The following NUMA1 variants were observed in gnomAD, a reference collection of about 807,000 sequenced individuals.
The protein encoded by NUMA1 is SP-H antigen.
A neutral mutation model predicts 237.1 loss-of-function variants in NUMA1; 62 were observed. The observed-to-expected ratio is 0.26, with a 90% CI of 0.21 to 0.32. NUMA1 has a LOEUF of 0.32. Ranked by LOEUF, NUMA1 falls within the 10% of genes least tolerant of loss-of-function variation. NUMA1 has a pLI of 1.00. For missense variants in NUMA1, 2,533 were observed against 2,666.5 expected, an observed-to-expected ratio of 0.95 and a Z score of 1.10; for synonymous variants, 1,028 against 1,066.1, an observed-to-expected ratio of 0.96 and a Z score of 0.70.
At chr11:72,054,274 T>C (rs1942518965) in intron 2 of NUMA1, among the ~76,000 whole-genome samples, 1 of 152,042 alleles carries the variant, frequency 6.6e-6, no homozygotes, top group Non-Finnish European at 1.5e-5. Flanking sequence ...GAGACCAGCC[T>C]GGCCAACATG....
chr11:72,015,263 A>C lies in NUMA1; in HGVS notation c.2240T>G (p.Val747Gly). 9 of 1,613,386 alleles carry C rather than the reference A, an allele frequency of 5.6e-6. No homozygotes were observed. Among genetic ancestry groups the C allele is most frequent in the Non-Finnish European group, 7.6e-6 (9 of 1,179,970 alleles). The part of the protein sequence containing the change: ...SELKAETRSL[V>G]EQHKRERKEL... ...CTTTCGTTCCCGCTTATGCTGCTCC[A>C]CCAGGCTTCGGGTCTCTGCCTTCAG... is the stretch of plus-strand genomic sequence containing the variant. Residue 747 changes from valine (V) to glycine (G), a missense_variant, in exon 15 of 27, where the codon GTG becomes GGG. By Grantham distance (109) the Val-to-Gly change is moderately radical. Transcript: ENST00000393695. This position sits in a 1 kb window ranked among gnomAD's most constrained non-coding sequence, Gnocchi z 4.0.
intron 2 of NUMA1, among the ~76,000 whole-genome samples, chr11:72,064,143 T>C (rs1351358256): frequency 6.6e-6 from 1 of 152,130 alleles, no homozygotes; most frequent in African/African-American, 2.4e-5. Flanking sequence ...GATGAAATCT[T>C]ATGCAGTCAC....
At position 72,006,125 on chromosome 11, in the gene NUMA1, A is replaced by G; in HGVS notation, c.5602T>C (p.Ser1868Pro). ...ARLGSPDYGN[S>P]ALLSLPGYRP... ...TAGCCAGGCAAGCTGAGCAGGGCTG[A>G]GTTGCCATAATCGGGAGAACCCAGG... Residue 1868 changes from serine to proline, a missense_variant, in exon 22 of 27, where the codon TCA (serine) becomes CCA (proline). Around this residue, in one of 3 missense-constraint regions of NUMA1, gnomAD observed 795 missense variants for 750.8 expected, o/e 1.06. Transcript: ENST00000393695. 1 of 1,614,170 alleles carries G rather than the reference A, an allele frequency of 6.2e-7. No individual in the cohort carries two copies. Among genetic ancestry groups the G allele is most frequent in the East Asian group, 2.2e-5 (1 of 44,882 alleles).
intron 21 of NUMA1, 49 bp from the exon 22 acceptor site, chr11:72,006,312 C>G (rs1955694005): frequency 6.6e-7 from 1 of 1,524,556 alleles, no homozygotes; most frequent in Non-Finnish European, 9.0e-7. Flanking sequence ...TGGCACTGTA[C>G]AGAAGCTTCC....
chr11:72,074,550 G>A (rs1167861375), intron 1 of NUMA1, among the ~76,000 whole-genome samples: 1 of 152,152 alleles, frequency 6.6e-6, no homozygotes, highest in Non-Finnish European at 1.5e-5. Context: ...ACCAGCCTGG[G>A]CAACATAGTG....
In NUMA1 at chr11:72,014,245, G is replaced by C; in HGVS notation, c.3258C>G (p.Thr1086=). ...QIKELEELRQ[T]VKQLKEQLAK... ...CCAGCTGTTCCTTCAGTTGCTTCAC[G>C]GTTTGCCGAAGTTCCTCCAGCTCTT... The change falls in exon 15 of 27, where the codon ACC becomes ACG. Residue 1086 remains threonine (T), a synonymous_variant. Transcript: ENST00000393695. This position sits in a 1 kb window ranked among gnomAD's most constrained non-coding sequence, Gnocchi z 4.6. 6.2e-7 allele frequency: 1 copy of C among 1,613,986 alleles called. No individual in the cohort carries two copies. The highest frequency in any genetic ancestry group is 8.5e-7 in the Non-Finnish European group (1 of 1,180,056).
intron 4 of NUMA1, among the ~76,000 whole-genome samples, 192 bp downstream of exon 4, chr11:72,029,013 A>C (rs1418113814): frequency 6.6e-6 from 1 of 152,222 alleles, no homozygotes; most frequent in Non-Finnish European, 1.5e-5. Context: ...AACCTCTCCC[A>C]TGGAGTGGTA....
rs1272175868 is a variant in NUMA1 at position 72,021,243 on chromosome 11, G to C, written c.421C>G (p.Leu141Val). 6.2e-6 allele frequency: 10 copies of C among 1,614,048 alleles called. No individual in the cohort carries two copies. In the Admixed American group the frequency reaches 1.3e-4, roughly 22 times the overall value. Residue 141 changes from leucine to valine, a missense_variant, in exon 8 of 27, where the codon CTA becomes GTA. Around this residue, in one of 3 missense-constraint regions of NUMA1, gnomAD observed 1,414 missense variants for 1,508.1 expected, o/e 0.94. Coordinates refer to ENST00000393695, the MANE Select transcript of NUMA1 (RefSeq NM_006185.4). ...TTCTCTAGGTCCTCATTAAGGTTTAGCCCGTCCTCATGGTCCAGCACAAAT... is the reference window on the plus strand; with the variant it reads ...TTCTCTAGGTCCTCATTAAGGTTTACCCCGTCCTCATGGTCCAGCACAAAT... ...LKFVLDHEDG[L>V]NLNEDLENFL...
At position 72,071,291 on chromosome 11, in the gene NUMA1, T is replaced by C. The variant is rs148595954; in HGVS notation, c.-102-1380A>G. Among the ~76,000 whole-genome samples, 236 of 152,382 alleles carry C rather than the reference T, an allele frequency of 1.5e-3. 1 individual carries two copies. Among genetic ancestry groups the C allele is most frequent in the African/African-American group, 5.4e-3 (226 of 41,582 alleles). ...CACAAATAAGTGCTAAATTATATAC[T>C]GTCTTGCAAAATCAGATACTGCTTC... On this transcript the variant is annotated intron_variant, in intron 1 of 26. Coordinates refer to ENST00000393695, the MANE Select transcript of NUMA1 (RefSeq NM_006185.4).
At position 72,006,070 on chromosome 11, in the gene NUMA1, C is replaced by T. The variant is rs766611829; in HGVS notation, c.5657G>A (p.Arg1886His). ...CCCACTGGACACCCCGGCCTGGGAA[C>T]GACGAGCAGAACTGCGAGTGGTGGG... ...YRPTTRSSAR[R>H]SQAGVSSGAP... is the part of the protein sequence containing the mutation. The change falls in exon 22 of 27, where the codon CGT becomes CAT. Residue 1886 changes from arginine (R) to histidine (H), a missense_variant. Physicochemically the swap from Arg to His is conservative, Grantham distance 29. Around this residue, in one of 3 missense-constraint regions of NUMA1, gnomAD observed 795 missense variants for 750.8 expected, o/e 1.06. Coordinates refer to ENST00000393695, the MANE Select transcript of NUMA1 (RefSeq NM_006185.4). The T allele has an allele frequency of 1.7e-5, 27 of 1,613,432 alleles. No individual in the cohort carries two copies. Among genetic ancestry groups the T allele is most frequent in the Non-Finnish European group, 1.6e-5 (19 of 1,179,598 alleles).
intron 3 of NUMA1, among the ~76,000 whole-genome samples, 185 bp from the exon 4 acceptor site, chr11:72,029,475 A>T (rs1939247): frequency 0.89 from 135,121 of 152,262 alleles, 60,230 homozygotes; most frequent in Non-Finnish European, 0.95. Context: ...AGCCACCTGA[A>T]ATGCAACCAT....
chr11:72,078,335 T>C (rs1239951588), intron 1 of NUMA1, among the ~76,000 whole-genome samples: 1 of 152,260 alleles, frequency 6.6e-6, no homozygotes, highest in African/African-American at 2.4e-5. Context: ...CACCATATAT[T>C]AGGTTAATGC....
intron 2 of NUMA1, chr11:72,066,286 C>G (rs1231416928): frequency 6.9e-6 from 1 of 144,694 alleles, no homozygotes; most frequent in African/African-American, 2.6e-5. Context: ...GCAACAAGAG[C>G]GAAACTCTGC....
intron 16 of NUMA1, chr11:72,012,180 G>T: frequency 1.8e-6 from 1 of 543,798 alleles, no homozygotes; most frequent in South Asian, 2.6e-5. Context: ...AGAAGGTGCA[G>T]AAGGGTGGAG....
chr11:72,010,220 G>T (rs1003748130), intron 17 of NUMA1, among the ~76,000 whole-genome samples: 5 of 152,226 alleles, frequency 3.3e-5, no homozygotes, highest in Admixed American at 1.3e-4. Context: ...TGCCACTGGT[G>T]CCCAATTCCT....
chr11:72,008,010 C>T (rs1168627212), intron 20 of NUMA1: 1 of 435,386 alleles, frequency 2.3e-6, no homozygotes, highest in Non-Finnish European at 4.6e-6. Flanking sequence ...CAAACCCCAG[C>T]TCTACCACTG....
chr11:72,072,687 C>A (rs555665927), intron 1 of NUMA1, among the ~76,000 whole-genome samples: 1 of 152,308 alleles, frequency 6.6e-6, no homozygotes, highest in South Asian at 2.1e-4. Context: ...TTGGTTCTCT[C>A]CTCCCCTCAA....
At chr11:72,023,874 A>C (rs1939223826) in intron 5 of NUMA1, among the ~76,000 whole-genome samples, 1 of 152,146 alleles carries the variant, frequency 6.6e-6, no homozygotes, top group Non-Finnish European at 1.5e-5. Context: ...CTGCCCCTAC[A>C]CCTATCGCCT....
chr11:72,076,379 A>AAAAAT (rs1219804143), intron 1 of NUMA1, among the ~76,000 whole-genome samples: 2 of 152,278 alleles, frequency 1.3e-5, no homozygotes, highest in East Asian at 1.9e-4. Flanking sequence ...TCCTATCTCA[A>AAAAAT]AAAATAAAAT....
Sources: allele counts gnomAD v4.1 joint callset (sites outside exome capture counted in the v4.1 genomes callset), GRCh38; gene constraint gnomAD v4.1.1; regional missense constraint gnomAD v4.1.1; non-coding constraint Gnocchi (gnomAD v3.1); transcripts MANE v1.5; gene names NCBI Gene and HGNC (gene_info 2026-07-23, HGNC 2026-07-21).